Variants in SMG1 observed in about 807,000 individuals in gnomAD.
SMG1 encodes SMG1 nonsense mediated mRNA decay associated PI3K related kinase.
A neutral mutation model predicts 419.9 loss-of-function variants in SMG1; 22 were observed. The observed-to-expected ratio is 0.05, with a 90% CI of 0.04 to 0.07. The LOEUF (loss-of-function observed/expected upper bound fraction) is 0.07, where lower values mean the gene tolerates loss of function less well. Ranked by LOEUF, SMG1 falls within the 10% of genes least tolerant of loss-of-function variation. The pLI, the probability that SMG1 is intolerant of heterozygous loss-of-function variation, is 1.00. For missense variants in SMG1, 3,185 were observed against 4,342.0 expected (o/e 0.73, Z 7.49); for synonymous variants, 1,538 against 1,553.5 (o/e 0.99, Z 0.23).
intron 1 of SMG1, among the ~76,000 whole-genome samples, chr16:18,921,927 G>C (rs978904434): frequency 6.6e-6 from 1 of 152,166 alleles, no homozygotes; most frequent in Non-Finnish European, 1.5e-5. Context: ...CCTTTTAGAA[G>C]TATAGAAAGA....
rs985165437 is a variant in SMG1, at chr16:18,853,826, T to C, written c.4525A>G (p.Ile1509Val). Reference sequence around the variant, plus strand: ...GCTTTCACAGACTTGCAGAAAGATATGGCACAAGAACTCAACATTTCCATT... The same window carrying C: ...GCTTTCACAGACTTGCAGAAAGATACGGCACAAGAACTCAACATTTCCATT... Reference protein sequence around the residue: ...HAMEMLSSCAISFCKSVKAEY... With the variant: ...HAMEMLSSCAVSFCKSVKAEY... Residue 1509 changes from isoleucine to valine, a missense_variant, in exon 31 of 63, where the codon ATA becomes GTA. Around this residue, in one of 27 missense-constraint regions of SMG1, gnomAD observed 493 missense variants for 552.9 expected, o/e 0.89. Coordinates refer to ENST00000446231, the MANE Select transcript of SMG1 (RefSeq NM_015092.5). The C allele has an allele frequency of 4.3e-6, 7 of 1,613,220 alleles. No homozygotes were observed. The East Asian group carries it at 8.9e-5, about 21-fold the overall frequency.
intron 46 of SMG1, 72 bp from the exon 47 acceptor site, chr16:18,836,604 A>G: frequency 6.6e-7 from 1 of 1,509,706 alleles, no homozygotes; most frequent in Non-Finnish European, 9.1e-7. Flanking sequence ...CTACCCTGGA[A>G]TGTGCTCACA....
intron 50 of SMG1, among the ~76,000 whole-genome samples, chr16:18,833,811 C>T (rs1476581922): frequency 6.6e-6 from 1 of 152,184 alleles, no homozygotes; most frequent in African/African-American, 2.4e-5. Flanking sequence ...ATTATACACT[C>T]TCCATTTATA....
intron 6 of SMG1, among the ~76,000 whole-genome samples, chr16:18,887,438 C>T (rs1596599220): frequency 1.3e-5 from 2 of 151,164 alleles, no homozygotes; most frequent in East Asian, 3.9e-4. Flanking sequence ...CTCCCAGGCA[C>T]AAGCAATCCT....
intron 50 of SMG1, 31 bp from the exon 51 acceptor site, chr16:18,833,197 G>C (rs1414270880): frequency 6.4e-7 from 1 of 1,563,958 alleles, no homozygotes; most frequent in African/African-American, 1.4e-5. Flanking sequence ...AACTTTTAAT[G>C]TTTTTTGAGT....
In SMG1 at chr16:18,808,943, T is replaced by A. The variant is rs1438377511; in HGVS notation, c.*626A>T. 1 of 152,592 alleles carries A rather than the reference T, an allele frequency of 6.6e-6. No homozygotes were observed. The highest frequency in any genetic ancestry group is 2.4e-5 in the African/African-American group (1 of 41,440). The allele number at this position is 152,592 out of a possible 1,614,324, so 9.5% of individuals were successfully genotyped here. A position where few individuals can be genotyped will look rare whatever the true frequency, so the allele number is the denominator to read the frequency against. Reference sequence around the variant, plus strand: ...GTAGGGAACGATGGGGTGGTTTTTTTCCCTTCATTTCAGAAGTAAGTTCTT... The same window carrying A: ...GTAGGGAACGATGGGGTGGTTTTTTACCCTTCATTTCAGAAGTAAGTTCTT... On this transcript the variant is annotated 3_prime_UTR_variant, in exon 63 of 63. Coordinates refer to ENST00000446231, the MANE Select transcript of SMG1 (RefSeq NM_015092.5).
chr16:18,884,813 G>A (rs1403025899), intron 8 of SMG1: 1 of 355,882 alleles, frequency 2.8e-6, no homozygotes, highest in African/African-American at 2.1e-5. Flanking sequence ...CCACTTCAGG[G>A]TATTGCCACT....
rs2033408900 is a variant in SMG1 at position 18,834,302 on chromosome 16, T to G, written c.8467A>C (p.Lys2823Gln). The part of the protein sequence containing the change: ...GNVTCLVQLL[K>Q]QCHLVPQDLD... ...TCCTGTGGCACCAGGTGGCACTGCT[T>G]CAGTAACTGAACCAAGCAGGTGACG... The change falls in exon 50 of 63, where the codon AAG (lysine) becomes CAG (glutamine). Residue 2823 changes from lysine to glutamine, a missense_variant. Transcript: ENST00000446231. 1.2e-6 allele frequency: 2 copies of G among 1,612,802 alleles called. No homozygotes were observed. Among genetic ancestry groups the G allele is most frequent in the African/African-American group, 2.7e-5 (2 of 74,988 alleles).
intron 57 of SMG1, among the ~76,000 whole-genome samples, chr16:18,816,838 C>T (rs1213369010): frequency 6.6e-6 from 1 of 152,160 alleles, no homozygotes; most frequent in African/African-American, 2.4e-5. Context: ...AATAACTCTT[C>T]GAGATGAAAT....
At chr16:18,832,055 G>C (rs534774465) in intron 51 of SMG1, among the ~76,000 whole-genome samples, 117 of 152,188 alleles carry the variant, frequency 7.7e-4, no homozygotes, top group African/African-American at 2.7e-3. Context: ...ATTTAAACCA[G>C]ACTAGCCCAG....
At chr16:18,912,382 A>G (rs978296580) in intron 1 of SMG1, among the ~76,000 whole-genome samples, 11 of 152,076 alleles carry the variant, frequency 7.2e-5, no homozygotes, top group Non-Finnish European at 1.3e-4. Context: ...ACCACAAAAT[A>G]TAAGTAAGCA....
intron 26 of SMG1, 85 bp from the exon 27 acceptor site, chr16:18,859,788 C>T (rs1169125771): frequency 1.2e-6 from 1 of 846,784 alleles, no homozygotes; most frequent in African/African-American, 1.7e-5. Flanking sequence ...AAAAACTAAT[C>T]ACCAATGAAC....
chr16:18,874,919 T>TCCC (rs1331167258), intron 13 of SMG1, among the ~76,000 whole-genome samples: 31 of 131,124 alleles, frequency 2.4e-4, no homozygotes, highest in Admixed American at 6.2e-4. Context: ...TTTTTTTTTT[T>TCCC]CCCCTAAAAG....
chr16:18,838,654 A>T lies in SMG1; in HGVS notation c.6981T>A (p.Val2327=), dbSNP rs779871955. 5.6e-6 allele frequency: 9 copies of T among 1,612,046 alleles called. No homozygotes were observed. Among genetic ancestry groups the T allele is most frequent in the Non-Finnish European group, 6.8e-6 (8 of 1,179,084 alleles). The stretch of plus-strand genomic sequence containing the variant: ...TGTCTCCAAGGCCAATTATGTATCC[A>T]ACCATAGACATGACTGCAGTAGATC... ...YARSTAVMSM[V]GYIIGLGDRH... is the part of the protein sequence containing the mutation. The change falls in exon 43 of 63, where the codon GTT becomes GTA. Residue 2327 remains valine (V), a synonymous_variant. Coordinates refer to ENST00000446231, the MANE Select transcript of SMG1 (RefSeq NM_015092.5).
intron 60 of SMG1, among the ~76,000 whole-genome samples, chr16:18,813,032 G>A (rs953838719): frequency 2.6e-5 from 4 of 151,982 alleles, no homozygotes; most frequent in Non-Finnish European, 4.4e-5. Context: ...GTATTCCATG[G>A]TGTATATGTG....
Position 18,896,085 on chromosome 16 carries a change from C to G in SMG1, c.379G>C (p.Ala127Pro). The G allele has an allele frequency of 6.2e-7, 1 of 1,611,142 alleles. No homozygotes were observed. Among genetic ancestry groups the G allele is most frequent in the South Asian group, 1.1e-5 (1 of 90,940 alleles). Reference sequence around the variant, plus strand: ...TTCCTCATGTCTTTGGTGGCTAAAGCACGACTGCCATGCTGAACACTGGTG... The same window carrying G: ...TTCCTCATGTCTTTGGTGGCTAAAGGACGACTGCCATGCTGAACACTGGTG... Reference protein sequence around the residue: ...EFTSVQHGSRALATKDMRKSQ... With the variant: ...EFTSVQHGSRPLATKDMRKSQ... The change falls in exon 3 of 63, where the codon GCT becomes CCT. Residue 127 changes from alanine (A) to proline (P), a missense_variant. By Grantham distance (27) the Ala-to-Pro change is conservative (BLOSUM62 -1). Transcript: ENST00000446231.
chr16:18,879,691 G>A lies in SMG1; in HGVS notation c.1322C>T (p.Thr441Met), dbSNP rs751461063. The A allele has an allele frequency of 4.0e-5, 63 of 1,557,630 alleles. No individual in the cohort carries two copies. The highest frequency in any genetic ancestry group is 6.8e-5 in the African/African-American group (5 of 73,840). Reference sequence around the variant, plus strand: ...AGAAAAAAACACCTGGTTTGCAGCCGTCACACATCTCATTACTCTGTACAG... The same window carrying A: ...AGAAAAAAACACCTGGTTTGCAGCCATCACACATCTCATTACTCTGTACAG... ...DVLYRVMRCV[T>M]AANQVFFSEA... The change falls in exon 11 of 63, where the codon ACG (threonine) becomes ATG (methionine). Residue 441 changes from threonine (T) to methionine (M), a missense_variant. Physicochemically the swap from Thr to Met is moderately conservative, Grantham distance 81 (BLOSUM62 -1). Around this residue, in one of 27 missense-constraint regions of SMG1, gnomAD observed 6 missense variants for 43.7 expected, o/e 0.14. Transcript: ENST00000446231.
chr16:18,850,302 T>G lies in SMG1; in HGVS notation c.5218A>C (p.Ile1740Leu). 1 of 1,613,838 alleles carries G rather than the reference T, an allele frequency of 6.2e-7. No individual in the cohort carries two copies. ...IKVWRKVVDR[I>L]FSLYKLSCSA... The stretch of plus-strand genomic sequence containing the variant: ...CAAGAGAGTTTGTACAGGCTGAATA[T>G]TCTATCTACAACTTTCCTCCACACT... Residue 1740 changes from isoleucine to leucine, a missense_variant, in exon 34 of 63, where the codon ATA (isoleucine) becomes CTA (leucine). Ile to Leu is a conservative substitution (Grantham distance 5). Transcript: ENST00000446231.
At chr16:18,816,053 T>C (rs549468309) in intron 58 of SMG1, 3 of 514,752 alleles carry the variant, frequency 5.8e-6, no homozygotes, top group Admixed American at 7.3e-5. Flanking sequence ...CTTGGTTTTA[T>C]TACAAGTTAT....
Sources: gnomAD v4.1 joint callset for allele counts (sites outside exome capture counted in the v4.1 genomes callset) on GRCh38, gnomAD v4.1.1 for gene constraint, gnomAD v4.1.1 regional missense constraint, MANE v1.5 for transcripts, NCBI Gene and HGNC (gene_info 2026-07-23, HGNC 2026-07-21) for gene names.